Variants in CAMTA1 observed in about 807,000 individuals in gnomAD.
The protein encoded by CAMTA1 is calmodulin binding transcription activator 1.
CAMTA1 carries 27 observed loss-of-function variants against 170.9 expected under a neutral mutation model. The ratio of observed to expected loss-of-function variants is 0.16; its 90% CI spans 0.12 to 0.22. The LOEUF (loss-of-function observed/expected upper bound fraction) is 0.22. Ranked by LOEUF, CAMTA1 falls within the 10% of genes least tolerant of loss-of-function variation. The pLI is 1.00. For synonymous variants in CAMTA1, 833 were observed against 891.5 expected, an observed-to-expected ratio of 0.93 and a Z score of 1.17; for missense variants, 1,619 against 2,217.2, an observed-to-expected ratio of 0.73 and a Z score of 5.42.
intron 6 of CAMTA1, among the ~76,000 whole-genome samples, chr1:7,625,857 TG>T (rs2095629879): frequency 1.3e-5 from 2 of 152,232 alleles, no homozygotes; most frequent in Non-Finnish European, 2.9e-5. Flanking sequence ...GCCCCAGACT[TG>T]CCTATGTCAT....
intron 6 of CAMTA1, among the ~76,000 whole-genome samples, chr1:7,513,426 A>T (rs531612569): frequency 6.6e-6 from 1 of 152,190 alleles, no homozygotes; most frequent in African/African-American, 2.4e-5. Flanking sequence ...AAACAACAGA[A>T]TCTACCGCCT....
chr1:7,154,263 G>T (rs1185308498), intron 4 of CAMTA1, among the ~76,000 whole-genome samples: 1 of 152,124 alleles, frequency 6.6e-6, no homozygotes, highest in African/African-American at 2.4e-5. Context: ...ACCCCCACCC[G>T]AGACTCCCGT....
intron 5 of CAMTA1, among the ~76,000 whole-genome samples, chr1:7,295,134 C>G (rs547986482): frequency 6.6e-6 from 1 of 152,152 alleles, no homozygotes. Context: ...AGTTATGTAA[C>G]CTTCTGGCTT....
intron 9 of CAMTA1, among the ~76,000 whole-genome samples, chr1:7,668,433 C>A (rs61772085): frequency 0.35 from 39,932 of 113,324 alleles, 5,743 homozygotes; most frequent in Middle Eastern, 0.41. Context: ...ACACACACAC[C>A]CACCACACAC....
chr1:7,607,484 T>C (rs542367478), intron 6 of CAMTA1, among the ~76,000 whole-genome samples: 18 of 151,540 alleles, frequency 1.2e-4, no homozygotes, highest in Admixed American at 4.6e-4. Flanking sequence ...GATGGATGGA[T>C]AGATGGATAG....
At chr1:6,921,790 T>C (rs992385404) in intron 3 of CAMTA1, among the ~76,000 whole-genome samples, 5 of 152,204 alleles carry the variant, frequency 3.3e-5, no homozygotes, top group Admixed American at 6.5e-5. Context: ...CTGAGACTTA[T>C]TCGCTATTAT....
intron 3 of CAMTA1, among the ~76,000 whole-genome samples, chr1:6,978,633 A>T (rs1445644391): frequency 6.6e-6 from 1 of 150,842 alleles, no homozygotes; most frequent in Admixed American, 6.6e-5. Context: ...GACTCCATCT[A>T]AAAAAAATAC....
chr1:7,495,877 G>T (rs780571793), intron 6 of CAMTA1, among the ~76,000 whole-genome samples: 5 of 152,232 alleles, frequency 3.3e-5, no homozygotes, highest in Non-Finnish European at 7.3e-5. Context: ...GCCCAGGAAA[G>T]CCTGCGAGTC....
chr1:7,505,394 AG>A (rs2094087642), intron 6 of CAMTA1, among the ~76,000 whole-genome samples: 1 of 152,148 alleles, frequency 6.6e-6, no homozygotes, highest in African/African-American at 2.4e-5. Context: ...CTAGTGCAAA[AG>A]AAAAACAGTC....
intron 6 of CAMTA1, among the ~76,000 whole-genome samples, chr1:7,500,061 GTA>G (rs1436963739): frequency 3.6e-5 from 5 of 137,882 alleles, no homozygotes; most frequent in East Asian, 3.0e-4. Flanking sequence ...GCGTGTGTAC[GTA>G]TATGAGTGTG....
chr1:7,567,214 G>A (rs1374976825), intron 6 of CAMTA1, among the ~76,000 whole-genome samples: 1 of 152,232 alleles, frequency 6.6e-6, no homozygotes, highest in African/African-American at 2.4e-5. Context: ...CATGGTGGCA[G>A]CGGAGGAAGG....
At chr1:7,302,418 A>G (rs9659928) in intron 5 of CAMTA1, among the ~76,000 whole-genome samples, 32,020 of 152,158 alleles carry the variant, frequency 0.21, 4,095 homozygotes, top group Admixed American at 0.29. Flanking sequence ...TGTTTTATGC[A>G]TGTGGCATTC....
rs781080208 is a variant in CAMTA1, at chr1:7,635,918, C to T, written c.511-4482C>T. Among the ~76,000 whole-genome samples, 22 of 152,342 alleles carry T rather than the reference C, an allele frequency of 1.4e-4. No individual in the cohort carries two copies. The highest frequency in any genetic ancestry group is 2.4e-4 in the Non-Finnish European group (16 of 68,028). ...GTGCCCCAAATTTCCAAAATACCTCCATCAGCCCATGTCTGAAAACCAGCC... is the reference window on the plus strand; with the variant it reads ...GTGCCCCAAATTTCCAAAATACCTCTATCAGCCCATGTCTGAAAACCAGCC... On this transcript the variant is annotated intron_variant, in intron 6 of 22. Coordinates refer to ENST00000303635, the MANE Select transcript of CAMTA1 (RefSeq NM_015215.4). This position sits in a 1 kb window ranked among gnomAD's most constrained non-coding sequence, Gnocchi z 4.4.
chr1:7,701,866 A>G (rs2096443977), intron 11 of CAMTA1, among the ~76,000 whole-genome samples: 1 of 152,196 alleles, frequency 6.6e-6, no homozygotes, highest in Non-Finnish European at 1.5e-5. Context: ...TGCTTGAATC[A>G]TGCGCGTGCC....
At chr1:6,922,829 C>T (rs1215242962) in intron 3 of CAMTA1, among the ~76,000 whole-genome samples, 1 of 151,832 alleles carries the variant, frequency 6.6e-6, no homozygotes, top group African/African-American at 2.4e-5. Context: ...GTCCAAAGCG[C>T]CCTAGGGAGG....
At chr1:7,652,454 C>G (rs573751050) in intron 7 of CAMTA1, among the ~76,000 whole-genome samples, 1 of 152,168 alleles carries the variant, frequency 6.6e-6, no homozygotes, top group Non-Finnish European at 1.5e-5. Context: ...GACCTGACCC[C>G]GAAGTGAGGA....
chr1:7,762,973 G>T (rs1179554528), intron 22 of CAMTA1, among the ~76,000 whole-genome samples: 1 of 152,140 alleles, frequency 6.6e-6, no homozygotes, highest in Non-Finnish European at 1.5e-5. Flanking sequence ...AATAAAATAT[G>T]ATTTTTAAAA....
chr1:7,701,847 G>GT (rs556808444), intron 11 of CAMTA1, among the ~76,000 whole-genome samples: 1 of 152,158 alleles, frequency 6.6e-6, no homozygotes, highest in Non-Finnish European at 1.5e-5. Flanking sequence ...AAAACCCAGT[G>GT]TAACAATATG....
At chr1:7,214,919 A>G (rs1053636832) in intron 4 of CAMTA1, among the ~76,000 whole-genome samples, 3 of 150,144 alleles carry the variant, frequency 2.0e-5, no homozygotes, top group African/African-American at 7.3e-5. Context: ...TGAAAAGGCT[A>G]TCTTTCAACA....
Sources: allele counts gnomAD v4.1 joint callset (sites outside exome capture counted in the v4.1 genomes callset), GRCh38; gene constraint gnomAD v4.1.1; non-coding constraint Gnocchi (gnomAD v3.1); transcripts MANE v1.5; gene names NCBI Gene and HGNC (gene_info 2026-07-23, HGNC 2026-07-21).